The following CASS4 variants were observed in gnomAD, a reference collection of about 807,000 sequenced individuals.
CASS4 encodes the protein Cas scaffold protein family member 4.
Under a neutral mutation model 54.2 loss-of-function variants are expected in CASS4, and 22 were observed. The observed-to-expected ratio is 0.41, with a 90% CI of 0.29 to 0.58. The LOEUF (loss-of-function observed/expected upper bound fraction) is 0.58. Among genes scored for constraint, CASS4 ranks in the 20% least tolerant of loss-of-function variants. CASS4 has a pLI of 0.36. For synonymous variants in CASS4, 409 were observed against 391.5 expected, an observed-to-expected ratio of 1.04 and a Z score of -0.53; for missense variants, 854 against 986.7, an observed-to-expected ratio of 0.87 and a Z score of 1.80.
At chr20:56,420,481 T>C (rs918836013) in intron 1 of CASS4, among the ~76,000 whole-genome samples, 3 of 151,978 alleles carry the variant, frequency 2.0e-5, no homozygotes, top group Admixed American at 1.3e-4. Flanking sequence ...CTCAAACTCC[T>C]GGGCTCAAGC....
intron 1 of CASS4, among the ~76,000 whole-genome samples, chr20:56,419,833 G>A (rs1019636578): frequency 3.9e-5 from 6 of 151,952 alleles, no homozygotes; most frequent in Non-Finnish European, 7.4e-5. Flanking sequence ...ATCTGAGGTC[G>A]GGAGTTCAAT....
intron 2 of CASS4, among the ~76,000 whole-genome samples, chr20:56,441,340 C>G (rs557124357): frequency 6.6e-6 from 1 of 151,318 alleles, no homozygotes; most frequent in Non-Finnish European, 1.5e-5. Flanking sequence ...TGCGGTGGCT[C>G]ACACCTGTAA....
At chr20:56,446,135 A>C (rs563219002) in intron 3 of CASS4, 134 bp downstream of exon 3, 42 of 581,826 alleles carry the variant, frequency 7.2e-5, no homozygotes, top group Non-Finnish European at 1.0e-4. Flanking sequence ...ACACATCACC[A>C]CTCAGAGGCC....
intron 1 of CASS4, among the ~76,000 whole-genome samples, chr20:56,420,182 C>G (rs1361492381): frequency 6.6e-6 from 1 of 152,190 alleles, no homozygotes; most frequent in Non-Finnish European, 1.5e-5. Context: ...ATGTATTGTT[C>G]TTTTCCTTTG....
At chr20:56,441,378 G>T (rs558077509) in intron 2 of CASS4, among the ~76,000 whole-genome samples, 55 of 151,506 alleles carry the variant, frequency 3.6e-4, no homozygotes, top group African/African-American at 1.3e-3. Context: ...GCCAAGGCGG[G>T]TGGATCACCT....
intron 3 of CASS4, among the ~76,000 whole-genome samples, chr20:56,449,220 C>G (rs1980874830): frequency 6.6e-6 from 1 of 152,190 alleles, no homozygotes; most frequent in Non-Finnish European, 1.5e-5. Context: ...AAATGTCCAC[C>G]AGTGATAGAC....
intron 4 of CASS4, among the ~76,000 whole-genome samples, chr20:56,451,504 T>C (rs1461541877): frequency 9.5e-6 from 1 of 104,716 alleles, no homozygotes; most frequent in Non-Finnish European, 1.9e-5. Flanking sequence ...AAAGAAAGGG[T>C]TGCCAAGGGC....
chr20:56,453,031 A>G lies in CASS4; in HGVS notation c.1855A>G (p.Thr619Ala). ...ATACATCCAGCCTCCCCAAAGAGAA[A>G]CTGAATCACACCAAAAGAGTACCCC... ...EKYIQPPQRE[T>A]ESHQKSTPST... The change falls in exon 5 of 6, where the codon ACT (threonine) becomes GCT (alanine). Residue 619 changes from threonine (T) to alanine (A), a missense_variant. Transcript: ENST00000679887. The G allele has an allele frequency of 6.2e-7, 1 of 1,614,116 alleles. No homozygotes were observed. The highest frequency in any genetic ancestry group is 8.5e-7 in the Non-Finnish European group (1 of 1,180,010).
At chr20:56,457,576 AG>A (rs1981359728) in intron 5 of CASS4, among the ~76,000 whole-genome samples, 1 of 152,328 alleles carries the variant, frequency 6.6e-6, no homozygotes, top group South Asian at 2.1e-4. Flanking sequence ...CAGATAGGTC[AG>A]GGTATTTAGT....
At chr20:56,435,595 C>G (rs1320800389) in intron 1 of CASS4, among the ~76,000 whole-genome samples, 1 of 152,214 alleles carries the variant, frequency 6.6e-6, no homozygotes, top group Non-Finnish European at 1.5e-5. Context: ...GCTCGGCCAT[C>G]ACTGCCGTGG....
rs141311296 is a variant in CASS4 at position 56,420,164 on chromosome 20, G to A, written c.36+7670G>A. 1.2e-3 allele frequency among the ~76,000 whole-genome samples: 190 copies of A among 152,294 alleles called. 1 individual carries two copies. The highest frequency in any genetic ancestry group is 4.4e-3 in the African/African-American group (183 of 41,572). ...TCAGAGAGTTTCTCCACGAGTTTAT[G>A]TTAGTGAATGTATTGTTCTTTTCCT... On this transcript the variant is annotated intron_variant, in intron 1 of 5. Transcript: ENST00000679887.
chr20:56,419,419 C>T (rs1248562461), intron 1 of CASS4, among the ~76,000 whole-genome samples: 4 of 152,060 alleles, frequency 2.6e-5, no homozygotes, highest in African/African-American at 9.7e-5. Flanking sequence ...GGGAAAGCAT[C>T]CCCAGCTCTC....
At chr20:56,415,020 C>G (rs944363915) in intron 1 of CASS4, among the ~76,000 whole-genome samples, 1 of 152,110 alleles carries the variant, frequency 6.6e-6, no homozygotes, top group African/African-American at 2.4e-5. Context: ...GGAAACGAGG[C>G]CTCGCTGACT....
At chr20:56,453,225 G>C in intron 5 of CASS4, 96 bp downstream of exon 5, 5 of 824,946 alleles carry the variant, frequency 6.1e-6, no homozygotes, top group Non-Finnish European at 9.3e-6. Context: ...TAGTGTATAG[G>C]CTTTGGGGAG....
In CASS4 at chr20:56,452,202, GCAGAACA is replaced by G. The variant is rs1465866490; in HGVS notation, c.1028_1034del (p.Gln343ProfsTer100). The G allele has an allele frequency of 6.2e-7, 1 of 1,614,080 alleles. No homozygotes were observed. The highest frequency in any genetic ancestry group is 8.5e-7 in the Non-Finnish European group (1 of 1,180,048). On this transcript the variant is annotated frameshift_variant, in exon 5 of 6. Coordinates refer to ENST00000679887, the MANE Select transcript of CASS4 (RefSeq NM_020356.4). LOFTEE classifies it high-confidence loss of function. ...GCTTTCTGATTCCCCGAGTGGAACA[GCAGAACA>G]CCAAGCCCAATATTTATGACATCCC...
chr20:56,416,752 T>A (rs963620177), intron 1 of CASS4, among the ~76,000 whole-genome samples: 1 of 152,244 alleles, frequency 6.6e-6, no homozygotes, highest in Admixed American at 6.5e-5. Flanking sequence ...ATTTTAAACC[T>A]ACTTTCCCCA....
chr20:56,448,947 A>C (rs995456179), intron 3 of CASS4, among the ~76,000 whole-genome samples: 1 of 152,190 alleles, frequency 6.6e-6, no homozygotes, highest in Non-Finnish European at 1.5e-5. Context: ...ATCATTAAAA[A>C]GTCAGGAAAC....
intron 2 of CASS4, among the ~76,000 whole-genome samples, chr20:56,440,560 C>A (rs796139788): frequency 6.6e-6 from 1 of 152,168 alleles, no homozygotes; most frequent in Non-Finnish European, 1.5e-5. Context: ...TGACAGGCTC[C>A]TACAAGGTAC....
chr20:56,456,778 A>G (rs1981317729), intron 5 of CASS4, among the ~76,000 whole-genome samples: 2 of 151,634 alleles, frequency 1.3e-5, no homozygotes, highest in South Asian at 4.2e-4. Context: ...ACCCAGGTTC[A>G]ATCGATTCTC....
Sources: allele counts gnomAD v4.1 joint callset (sites outside exome capture counted in the v4.1 genomes callset), GRCh38; gene constraint gnomAD v4.1.1; transcripts MANE v1.5; gene names NCBI Gene and HGNC (gene_info 2026-07-23, HGNC 2026-07-21).